CX3CR1: variants seen among roughly 807,000 people sequenced by gnomAD.
CX3CR1 encodes CX3C chemokine receptor 1.
For synonymous variants in CX3CR1, 168 were observed against 178.5 expected, an observed-to-expected ratio of 0.94 and a Z score of 0.47; for missense variants, 363 against 432.4, an observed-to-expected ratio of 0.84 and a Z score of 1.42.
In CX3CR1 at chr3:39,263,997, C is replaced by T. The variant is rs1459743254; in HGVS notation, c.*1445G>A. 2 of 152,234 alleles carry T rather than the reference C, an allele frequency of 1.3e-5. No homozygotes were observed. Among genetic ancestry groups the T allele is most frequent in the African/African-American group, 2.4e-5 (1 of 41,454 alleles). The allele number at this position is 152,234 out of a possible 1,614,324, so 9.4% of individuals were successfully genotyped here. A position where few individuals can be genotyped will look rare whatever the true frequency, so the allele number is the denominator to read the frequency against. The stretch of plus-strand genomic sequence containing the variant: ...GGGAAAAAAAAGCTGCTCCCATAGC[C>T]CTGGCTCCCCAGGTTGGCAGTAGCA... On this transcript the variant is annotated 3_prime_UTR_variant, in exon 2 of 2. Coordinates refer to ENST00000399220, the MANE Select transcript of CX3CR1 (RefSeq NM_001337.4).
rs1338704785 is a variant in CX3CR1 at position 39,265,707 on chromosome 3, C to T, written c.803G>A (p.Arg268Lys). 2 of 1,614,198 alleles carry T rather than the reference C, an allele frequency of 1.2e-6. No individual in the cohort carries two copies. The highest frequency in any genetic ancestry group is 3.3e-4 in the Middle Eastern group (2 of 6,062). ...LYDFFPSCDM[R>K]KDLRLALSVT... ...ACTGAGGGCCAGCCTCAGATCCTTCCTCATGTCACAACTGGGAAAGAAGTC... is the reference window on the plus strand; with the variant it reads ...ACTGAGGGCCAGCCTCAGATCCTTCTTCATGTCACAACTGGGAAAGAAGTC... Residue 268 changes from arginine to lysine, a missense_variant, in exon 2 of 2, where the codon AGG (arginine) becomes AAG (lysine). Transcript: ENST00000399220.
chr3:39,289,241 G>A, the CX3CR1 span, among the ~76,000 whole-genome samples: 1 of 152,154 alleles, frequency 6.6e-6, no homozygotes, highest in Non-Finnish European at 1.5e-5. Flanking sequence ...ATGGTGCTCT[G>A]AGTAGGGTAA....
At chr3:39,280,990 G>A, upstream of CX3CR1, 1 of 705,834 alleles carries the variant, frequency 1.4e-6, no homozygotes, top group Non-Finnish European at 1.7e-6. Context: ...CCCCTTCAAG[G>A]CCCCTCTGGC....
upstream of CX3CR1, among the ~76,000 whole-genome samples, chr3:39,283,181 G>C (rs2040918965): frequency 6.6e-6 from 1 of 152,166 alleles, no homozygotes; most frequent in Admixed American, 6.5e-5. Context: ...TTAAGCCACT[G>C]TGTGTGGCCG....
intron 1 of CX3CR1, among the ~76,000 whole-genome samples, chr3:39,271,199 G>A (rs1286814147): frequency 2.0e-5 from 3 of 152,188 alleles, no homozygotes; most frequent in African/African-American, 7.2e-5. Flanking sequence ...AATATTTGCA[G>A]AAGGATAAAT....
At chr3:39,289,145 T>C in the CX3CR1 span, among the ~76,000 whole-genome samples, 1 of 150,342 alleles carries the variant, frequency 6.7e-6, no homozygotes, top group Non-Finnish European at 1.5e-5. Context: ...TGAGTGAGAC[T>C]CCATCTAAAA....
At chr3:39,273,365 A>G (rs995851297) in intron 1 of CX3CR1, among the ~76,000 whole-genome samples, 9 of 152,200 alleles carry the variant, frequency 5.9e-5, no homozygotes, top group Non-Finnish European at 1.3e-4. Flanking sequence ...CAGCAACCAT[A>G]GTGAGGAAAC....
At chr3:39,285,375 T>A (rs1471468485), upstream of CX3CR1, among the ~76,000 whole-genome samples, 4 of 152,140 alleles carry the variant, frequency 2.6e-5, no homozygotes, top group African/African-American at 9.7e-5. Flanking sequence ...TGACTCCAAC[T>A]CTTAAAAGAA....
chr3:39,265,489 T>G lies in CX3CR1; in HGVS notation c.1021A>C (p.Asn341His). The change falls in exon 2 of 2, where the codon AAT becomes CAT. Residue 341 changes from asparagine (N) to histidine (H), a missense_variant. Coordinates refer to ENST00000399220, the MANE Select transcript of CX3CR1 (RefSeq NM_001337.4). ...RSRHGSVLSS[N>H]FTYHTSDGDA... is the part of the protein sequence containing the mutation. ...CCATCACTCGTGTGGTAAGTAAAATTGCTGCTCAGAACACTTCCATGCCTG... is the reference window on the plus strand; with the variant it reads ...CCATCACTCGTGTGGTAAGTAAAATGGCTGCTCAGAACACTTCCATGCCTG... 6.2e-7 allele frequency: 1 copy of G among 1,614,040 alleles called. No individual in the cohort carries two copies. Among genetic ancestry groups the G allele is most frequent in the Non-Finnish European group, 8.5e-7 (1 of 1,179,926 alleles).
At chr3:39,282,279 T>C (rs902937319), upstream of CX3CR1, among the ~76,000 whole-genome samples, 1 of 152,144 alleles carries the variant, frequency 6.6e-6, no homozygotes, top group Non-Finnish European at 1.5e-5. Context: ...GGCTCAGCGC[T>C]GGGAATTCTC....
At chr3:39,279,456 C>T (rs1382095284) in intron 1 of CX3CR1, among the ~76,000 whole-genome samples, 1 of 152,084 alleles carries the variant, frequency 6.6e-6, no homozygotes, top group Non-Finnish European at 1.5e-5. Context: ...CAGCGAGAAC[C>T]TCCTTATACC....
the CX3CR1 span, chr3:39,287,673 TC>T: frequency 6.6e-6 from 1 of 152,240 alleles, no homozygotes. Flanking sequence ...AATGGAAGGT[TC>T]ACGTATTCTC....
chr3:39,283,219 A>G (rs1366193152), upstream of CX3CR1, among the ~76,000 whole-genome samples: 1 of 152,124 alleles, frequency 6.6e-6, no homozygotes, highest in Non-Finnish European at 1.5e-5. Context: ...CTCATCTTAT[A>G]TGTGAGGAGT....
upstream of CX3CR1, among the ~76,000 whole-genome samples, chr3:39,280,844 C>T (rs1366041824): frequency 2.6e-5 from 4 of 152,238 alleles, no homozygotes; most frequent in Non-Finnish European, 5.9e-5. Flanking sequence ...TGAATCTCAA[C>T]TGCCACTGCC....
At chr3:39,284,714 T>C (rs2125558909), upstream of CX3CR1, among the ~76,000 whole-genome samples, 1 of 152,344 alleles carries the variant, frequency 6.6e-6, no homozygotes, top group Non-Finnish European at 1.5e-5. Flanking sequence ...TATTATTTTT[T>C]CCATTTTCAG....
chr3:39,278,692 G>T (rs1235809147), intron 1 of CX3CR1, among the ~76,000 whole-genome samples: 3 of 113,094 alleles, frequency 2.7e-5, no homozygotes, highest in East Asian at 2.7e-4. Flanking sequence ...GGTGTTGAAA[G>T]AATCCTAAAC....
the CX3CR1 span, among the ~76,000 whole-genome samples, chr3:39,291,785 C>A: frequency 1.3e-5 from 2 of 152,206 alleles, no homozygotes; most frequent in African/African-American, 4.8e-5. Flanking sequence ...TGAAGACACT[C>A]AGCTGATAGG....
intron 1 of CX3CR1, among the ~76,000 whole-genome samples, chr3:39,269,650 C>T (rs561592842): frequency 6.6e-6 from 1 of 152,304 alleles, no homozygotes; most frequent in South Asian, 2.1e-4. Flanking sequence ...ATCCATCTGG[C>T]TTGGGACTGC....
the CX3CR1 span, among the ~76,000 whole-genome samples, chr3:39,291,424 A>G: frequency 6.7e-6 from 1 of 149,812 alleles, no homozygotes; most frequent in South Asian, 2.1e-4. Flanking sequence ...ATGTGACCAT[A>G]CATGTGACCA....
Sources: gnomAD v4.1 joint callset for allele counts (sites outside exome capture counted in the v4.1 genomes callset) on GRCh38, gnomAD v4.1.1 for gene constraint, MANE v1.5 for transcripts, NCBI Gene and HGNC (gene_info 2026-07-23, HGNC 2026-07-21) for gene names.